CCBE1: variants seen among roughly 807,000 people sequenced by gnomAD.
CCBE1 encodes the protein collagen and calcium binding EGF domains 1, also known as collagen and calcium-binding EGF domain-containing protein 1.
CCBE1 carries 37 observed loss-of-function variants against 50.0 expected under a neutral mutation model. The ratio of observed to expected loss-of-function variants is 0.74; its 90% confidence interval spans 0.57 to 0.97. CCBE1 has a LOEUF of 0.97. Among genes scored for constraint, CCBE1 ranks in the 50% least tolerant of loss-of-function variants. The pLI, the probability that CCBE1 is intolerant of heterozygous loss-of-function variation, is 0.00. For missense variants in CCBE1, 538 were observed against 523.8 expected (o/e 1.03, Z -0.26); for synonymous variants, 234 against 203.7 (o/e 1.15, Z -1.27).
Position 59,625,395 on chromosome 18 carries a change from C to T in CCBE1, c.212+71234G>A, listed in dbSNP as rs564460224. ...GCAGTGAGCCAAGATCGCGCCACTG[C>T]GCTCCAGCCTGGGCTACAGAGTGAG... On this transcript the variant is annotated intron_variant, in intron 2 of 10. Coordinates refer to ENST00000439986, the MANE Select transcript of CCBE1 (RefSeq NM_133459.4). Among the ~76,000 whole-genome samples the T allele has an allele frequency of 1.6e-4, 22 of 141,456 alleles. No homozygotes were observed. The South Asian group carries it at 2.2e-3, about 14-fold the overall frequency. The allele number at this position is 141,456 out of a possible 152,430, so 92.8% of individuals were successfully genotyped here.
intron 2 of CCBE1, among the ~76,000 whole-genome samples, chr18:59,657,027 G>C (rs537895960): frequency 1.3e-5 from 2 of 152,314 alleles, no homozygotes; most frequent in East Asian, 3.9e-4. Context: ...CAGGACCCCA[G>C]AATGTCTCCA....
chr18:59,524,284 C>T (rs905702913), intron 2 of CCBE1, among the ~76,000 whole-genome samples: 84 of 152,294 alleles, frequency 5.5e-4, no homozygotes, highest in African/African-American at 2.0e-3. Context: ...TGCGCCACTG[C>T]ACTACAGCCT....
chr18:59,638,316 GA>G (rs1161790277), intron 2 of CCBE1, among the ~76,000 whole-genome samples: 1 of 152,192 alleles, frequency 6.6e-6, no homozygotes, highest in Non-Finnish European at 1.5e-5. Context: ...ACTTTATGGT[GA>G]AATGTCTAAA....
chr18:59,520,542 C>T (rs147102080), intron 2 of CCBE1, among the ~76,000 whole-genome samples: 1 of 152,184 alleles, frequency 6.6e-6, no homozygotes, highest in African/African-American at 2.4e-5. Flanking sequence ...GCATGGTGAA[C>T]TTTTCAAATG....
intron 2 of CCBE1, among the ~76,000 whole-genome samples, chr18:59,578,024 A>T (rs145418502): frequency 1.4e-4 from 22 of 152,240 alleles, no homozygotes; most frequent in Admixed American, 1.4e-3. Flanking sequence ...GTGAAGAGGC[A>T]ACCTACAGAA....
intron 2 of CCBE1, among the ~76,000 whole-genome samples, chr18:59,612,339 A>AC (rs1328635462): frequency 2.7e-5 from 4 of 150,234 alleles, no homozygotes; most frequent in Admixed American, 1.3e-4. Flanking sequence ...AGAAAAAAAA[A>AC]AAAACAAACA....
intron 2 of CCBE1, among the ~76,000 whole-genome samples, chr18:59,522,915 C>T (rs929608234): frequency 3.4e-5 from 5 of 146,964 alleles, no homozygotes; most frequent in Non-Finnish European, 4.5e-5. Flanking sequence ...TGGTGTGAAC[C>T]CAGGAGGCGG....
chr18:59,519,730 A>C (rs1011242232), intron 2 of CCBE1, among the ~76,000 whole-genome samples: 3 of 152,142 alleles, frequency 2.0e-5, no homozygotes, highest in Admixed American at 6.5e-5. Flanking sequence ...GGTGTTTTAG[A>C]CATGAAGTAT....
intron 2 of CCBE1, among the ~76,000 whole-genome samples, chr18:59,630,948 A>G (rs2053841803): frequency 2.6e-5 from 4 of 152,212 alleles, no homozygotes; most frequent in African/African-American, 9.6e-5. Flanking sequence ...ATGGCTTGCA[A>G]TGAGTGAACA....
At chr18:59,668,868 A>C (rs1441386188) in intron 2 of CCBE1, among the ~76,000 whole-genome samples, 1 of 126,212 alleles carries the variant, frequency 7.9e-6, no homozygotes, top group Non-Finnish European at 1.5e-5. Context: ...TCTGTCACCC[A>C]GGCTGGAGTG....
chr18:59,636,435 C>T (rs370763235), intron 2 of CCBE1, among the ~76,000 whole-genome samples: 24 of 152,196 alleles, frequency 1.6e-4, no homozygotes, highest in African/African-American at 5.5e-4. Flanking sequence ...CAGATCTAGG[C>T]ATCTGGAGAT....
chr18:59,449,472 A>G (rs964647097), intron 6 of CCBE1, among the ~76,000 whole-genome samples: 4 of 151,950 alleles, frequency 2.6e-5, no homozygotes, highest in Non-Finnish European at 4.4e-5. Context: ...AAATACAAAA[A>G]TTAGCTAGGC....
At chr18:59,530,570 T>C (rs1915008292) in intron 2 of CCBE1, among the ~76,000 whole-genome samples, 1 of 152,196 alleles carries the variant, frequency 6.6e-6, no homozygotes, top group Admixed American at 6.5e-5. Context: ...CTGAGCACTC[T>C]TTCCCTCCTG....
intron 2 of CCBE1, among the ~76,000 whole-genome samples, chr18:59,589,565 G>T (rs374102932): frequency 6.6e-6 from 1 of 152,254 alleles, no homozygotes; most frequent in South Asian, 2.1e-4. Flanking sequence ...GGAGGCCGAG[G>T]TGGGTGGATC....
chr18:59,697,180 G>C, intron 1 of CCBE1, 32 bp downstream of exon 1: 1 of 1,547,606 alleles, frequency 6.5e-7, no homozygotes, highest in Non-Finnish European at 8.7e-7. Flanking sequence ...TCAAGCAGGA[G>C]CTCGCCCTCC....
intron 2 of CCBE1, among the ~76,000 whole-genome samples, chr18:59,486,018 C>A (rs1912808956): frequency 6.6e-6 from 1 of 151,932 alleles, no homozygotes; most frequent in African/African-American, 2.4e-5. Context: ...CAAATGTGGG[C>A]TAGAATTTTG....
rs142574984 is a variant in CCBE1 at position 59,689,436 on chromosome 18, C to T, written c.212+7193G>A. ...GTGGCAACATATTCATCCAAGCTTT[C>T]ACATTGGCTCTTGGCACACATGGAT... On this transcript the variant is annotated intron_variant, in intron 2 of 10. Transcript: ENST00000439986. Among the ~76,000 whole-genome samples, 167 of 152,316 alleles carry T rather than the reference C, an allele frequency of 1.1e-3. 3 individuals are homozygous for T. In the East Asian group the frequency reaches 0.03, roughly 27 times the overall value.
chr18:59,525,386 C>A (rs1484338640), intron 2 of CCBE1, among the ~76,000 whole-genome samples: 1 of 152,194 alleles, frequency 6.6e-6, no homozygotes, highest in Admixed American at 6.5e-5. Flanking sequence ...TGAAAAGTGT[C>A]TGTTTCATGT....
At chr18:59,602,704 G>C (rs2053449144) in intron 2 of CCBE1, among the ~76,000 whole-genome samples, 1 of 152,204 alleles carries the variant, frequency 6.6e-6, no homozygotes, top group South Asian at 2.1e-4. Flanking sequence ...AAGCCTTGAG[G>C]CATGAGTAGG....
Sources: allele counts gnomAD v4.1 joint callset (sites outside exome capture counted in the v4.1 genomes callset), GRCh38; gene constraint gnomAD v4.1.1; transcripts MANE v1.5; gene names NCBI Gene and HGNC (gene_info 2026-07-23, HGNC 2026-07-21).